NR2F1-AS1: variants seen among roughly 807,000 people sequenced by gnomAD.
The protein encoded by NR2F1-AS1 is NR2F1 regulatory antisense RNA 1, also known as NR2F1 antisense RNA 1.
chr5:93,506,484 A>G (rs1175172580), intron 4 of NR2F1-AS1, among the ~76,000 whole-genome samples: 3 of 152,198 alleles, frequency 2.0e-5, no homozygotes, highest in Non-Finnish European at 4.4e-5. Flanking sequence ...GCTGATAAAG[A>G]TGTACCCAAG....
chr5:93,532,712 T>G (rs1751760262), intron 4 of NR2F1-AS1, among the ~76,000 whole-genome samples: 1 of 152,236 alleles, frequency 6.6e-6, no homozygotes, highest in Admixed American at 6.5e-5. Flanking sequence ...TGACCTTGGG[T>G]TGTCACAGAA....
At chr5:93,426,827 G>A (rs1023463921) in intron 4 of NR2F1-AS1, among the ~76,000 whole-genome samples, 2 of 152,130 alleles carry the variant, frequency 1.3e-5, no homozygotes, top group Admixed American at 1.3e-4. Flanking sequence ...TGAGAGCTGG[G>A]CTTGTGGCTA....
chr5:93,456,663 T>TA (rs1187771721), intron 4 of NR2F1-AS1, among the ~76,000 whole-genome samples: 1 of 152,050 alleles, frequency 6.6e-6, no homozygotes, highest in African/African-American at 2.4e-5. Flanking sequence ...TTTTAATTTT[T>TA]TTTTTTTTTA....
At chr5:93,581,966 T>G, upstream of NR2F1-AS1, among the ~76,000 whole-genome samples, 1 of 112,634 alleles carries the variant, frequency 8.9e-6, no homozygotes, top group East Asian at 2.5e-4. Context: ...TCTGGGTCTC[T>G]CTCTCTCTCC....
chr5:93,538,486 T>A (rs539990700), intron 4 of NR2F1-AS1, among the ~76,000 whole-genome samples: 1 of 152,172 alleles, frequency 6.6e-6, no homozygotes, highest in Non-Finnish European at 1.5e-5. Flanking sequence ...AAATTAATAA[T>A]TAAATAAATA....
At chr5:93,476,120 T>C (rs796173369) in intron 4 of NR2F1-AS1, among the ~76,000 whole-genome samples, 6 of 152,322 alleles carry the variant, frequency 3.9e-5, no homozygotes, top group Non-Finnish European at 7.4e-5. Context: ...CTTCGACTGA[T>C]AGAACACACA....
chr5:93,467,735 G>A (rs541442819), intron 4 of NR2F1-AS1, among the ~76,000 whole-genome samples: 1 of 152,288 alleles, frequency 6.6e-6, no homozygotes, highest in East Asian at 1.9e-4. Context: ...GTGCAGGTTT[G>A]TTACATAGGT....
chr5:93,437,247 T>C (rs897371113), intron 4 of NR2F1-AS1, among the ~76,000 whole-genome samples: 1 of 152,068 alleles, frequency 6.6e-6, no homozygotes, highest in African/African-American at 2.4e-5. Flanking sequence ...CAAGTCCAAA[T>C]TGAGATAAGC....
At chr5:93,437,367 T>C (rs889672181) in intron 4 of NR2F1-AS1, among the ~76,000 whole-genome samples, 3 of 152,338 alleles carry the variant, frequency 2.0e-5, no homozygotes, top group Non-Finnish European at 1.5e-5. Context: ...TTTCGATATA[T>C]TGGGTTAAAG....
chr5:93,575,622 C>G (rs1752878363), intron 1 of NR2F1-AS1, among the ~76,000 whole-genome samples: 1 of 152,206 alleles, frequency 6.6e-6, no homozygotes, highest in Admixed American at 6.5e-5. Context: ...AATCTCCTCC[C>G]CCTGAAGAGA....
chr5:93,527,376 C>T (rs1350049555), intron 4 of NR2F1-AS1, among the ~76,000 whole-genome samples: 2 of 152,176 alleles, frequency 1.3e-5, no homozygotes, highest in African/African-American at 2.4e-5. Flanking sequence ...ACATTCCATG[C>T]TCATGGATAG....
chr5:93,443,457 A>G (rs1240035870), intron 4 of NR2F1-AS1, among the ~76,000 whole-genome samples: 5 of 152,218 alleles, frequency 3.3e-5, no homozygotes, highest in Non-Finnish European at 1.5e-5. Context: ...CAGTGATTGA[A>G]GATTAAATGA....
At chr5:93,536,548 A>G (rs886448284) in intron 4 of NR2F1-AS1, among the ~76,000 whole-genome samples, 5 of 152,226 alleles carry the variant, frequency 3.3e-5, no homozygotes, top group African/African-American at 1.2e-4. Flanking sequence ...CTACAAAGCT[A>G]TAATAACCAA....
chr5:93,534,265 A>G (rs1751794734), intron 4 of NR2F1-AS1, among the ~76,000 whole-genome samples: 2 of 152,212 alleles, frequency 1.3e-5, no homozygotes, highest in South Asian at 4.1e-4. Flanking sequence ...AGATGAAAAA[A>G]GTAAAGCTAA....
chr5:93,561,849 T>C (rs1425081147), intron 2 of NR2F1-AS1, among the ~76,000 whole-genome samples: 1 of 152,130 alleles, frequency 6.6e-6, no homozygotes, highest in Non-Finnish European at 1.5e-5. Context: ...TTATTCTTAG[T>C]GTAGTTCCTA....
upstream of NR2F1-AS1, chr5:93,584,966 G>T: frequency 1.3e-6 from 1 of 759,464 alleles, no homozygotes; most frequent in Non-Finnish European, 1.6e-6. Context: ...GCGCCCGCGC[G>T]CCCCGCGGCC....
chr5:93,503,635 A>C (rs1203285236), intron 4 of NR2F1-AS1, among the ~76,000 whole-genome samples: 1 of 152,190 alleles, frequency 6.6e-6, no homozygotes, highest in African/African-American at 2.4e-5. Context: ...TCTCTTTCTG[A>C]GAGTCTGGAA....
At chr5:93,538,740 TTAAA>T (rs1351026594) in intron 4 of NR2F1-AS1, among the ~76,000 whole-genome samples, 1 of 152,242 alleles carries the variant, frequency 6.6e-6, no homozygotes, top group East Asian at 1.9e-4. Context: ...TTAATCTTTC[TTAAA>T]TATACATGTA....
intron 4 of NR2F1-AS1, among the ~76,000 whole-genome samples, chr5:93,488,988 T>C (rs897228296): frequency 6.6e-6 from 1 of 152,048 alleles, no homozygotes; most frequent in African/African-American, 2.4e-5. Context: ...CTCAGCAAAC[T>C]AACACAGGAA....
Sources: gnomAD v4.1 joint callset for allele counts (sites outside exome capture counted in the v4.1 genomes callset) on GRCh38, gnomAD v4.1.1 for gene constraint, MANE v1.5 for transcripts, NCBI Gene and HGNC (gene_info 2026-07-23, HGNC 2026-07-21) for gene names.